Variants in SYNJ1 observed in about 807,000 individuals in gnomAD.
SYNJ1 encodes the protein synaptojanin 1.
SYNJ1 carries 78 observed loss-of-function variants against 168.2 expected under a neutral mutation model. The observed-to-expected ratio is 0.46, with a 90% confidence interval of 0.39 to 0.56. The LOEUF is 0.56. Ranked by LOEUF, SYNJ1 falls within the 20% of genes least tolerant of loss-of-function variation. SYNJ1 has a pLI of 0.00. For missense variants in SYNJ1, 1,303 were observed against 1,597.6 expected (o/e 0.82, Z 3.14); for synonymous variants, 539 against 548.6 (o/e 0.98, Z 0.24).
chr21:32,690,212 G>A (rs932681330), intron 6 of SYNJ1, among the ~76,000 whole-genome samples: 5 of 152,008 alleles, frequency 3.3e-5, no homozygotes, highest in Non-Finnish European at 5.9e-5. Flanking sequence ...TTAGATTTCT[G>A]TTTTTGTGTT....
In SYNJ1 at chr21:32,639,836, C is replaced by T; in HGVS notation, c.3589-57G>A. The stretch of plus-strand genomic sequence containing the variant: ...TTACTTACCTTCCACAGGTAAAATT[C>T]TGTGAAAACATTTGCTTTTGCATCT... On this transcript the variant is annotated intron_variant, in intron 29 of 32. Coordinates refer to ENST00000674351, the MANE Select transcript of SYNJ1 (RefSeq NM_203446.3). 9.7e-6 allele frequency: 14 copies of T among 1,442,336 alleles called. 1 individual carries two copies. In the South Asian group the frequency reaches 1.5e-4, roughly 16 times the overall value. 89.3% of individuals were successfully genotyped at this position (1,442,336 alleles called of 1,614,324 possible).
chr21:32,711,410 G>A (rs1033953652), intron 2 of SYNJ1, among the ~76,000 whole-genome samples: 1 of 150,926 alleles, frequency 6.6e-6, no homozygotes, highest in Non-Finnish European at 1.5e-5. Flanking sequence ...TTGGCTCACT[G>A]CAACCTCCAC....
intron 10 of SYNJ1, among the ~76,000 whole-genome samples, chr21:32,683,732 C>T (rs1486069667): frequency 6.6e-6 from 1 of 151,986 alleles, no homozygotes; most frequent in Non-Finnish European, 1.5e-5. Context: ...CACACCCACA[C>T]ATATATATTT....
intron 2 of SYNJ1, among the ~76,000 whole-genome samples, chr21:32,725,079 T>C (rs571299999): frequency 4.1e-4 from 63 of 152,332 alleles, no homozygotes; most frequent in African/African-American, 1.5e-3. Context: ...TATTCTTAGG[T>C]TTCCTAACCT....
intron 11 of SYNJ1, among the ~76,000 whole-genome samples, chr21:32,681,262 A>T (rs187954581): frequency 2.0e-5 from 3 of 152,372 alleles, no homozygotes; most frequent in African/African-American, 7.2e-5. Context: ...CTAAATGACT[A>T]GATACGTTAT....
intron 2 of SYNJ1, among the ~76,000 whole-genome samples, chr21:32,723,416 C>T (rs2043321875): frequency 6.6e-6 from 1 of 152,172 alleles, no homozygotes; most frequent in Admixed American, 6.5e-5. Flanking sequence ...AAATTAGGAA[C>T]TTTGTGTACA....
At chr21:32,704,771 GATA>G (rs1042326570) in intron 2 of SYNJ1, among the ~76,000 whole-genome samples, 8 of 152,294 alleles carry the variant, frequency 5.3e-5, no homozygotes, top group African/African-American at 1.9e-4. Context: ...TATGATCAAG[GATA>G]ATGAGAGCCA....
intron 18 of SYNJ1, among the ~76,000 whole-genome samples, chr21:32,659,710 A>G (rs1601320311): frequency 6.6e-6 from 1 of 152,084 alleles, no homozygotes; most frequent in South Asian, 2.1e-4. Context: ...GGAATTGCTC[A>G]CTCGGGGAGC....
intron 6 of SYNJ1, among the ~76,000 whole-genome samples, chr21:32,692,425 A>G (rs2042059476): frequency 6.6e-6 from 1 of 152,060 alleles, no homozygotes; most frequent in Non-Finnish European, 1.5e-5. Context: ...AAAAATAAAA[A>G]AATTAGCCAA....
intron 27 of SYNJ1, among the ~76,000 whole-genome samples, chr21:32,643,170 G>A (rs1022025269): frequency 1.3e-5 from 2 of 152,120 alleles, no homozygotes. Flanking sequence ...ATATGAAACA[G>A]AGTACAAACA....
At chr21:32,640,845 C>A (rs924421025) in intron 29 of SYNJ1, among the ~76,000 whole-genome samples, 8 of 152,176 alleles carry the variant, frequency 5.3e-5, no homozygotes, top group African/African-American at 1.9e-4. Flanking sequence ...CATATGTTTG[C>A]TGAAGGATCT....
intron 2 of SYNJ1, among the ~76,000 whole-genome samples, chr21:32,711,919 T>C (rs1373358826): frequency 6.6e-6 from 1 of 152,186 alleles, no homozygotes; most frequent in Non-Finnish European, 1.5e-5. Context: ...CCAAGAGCAA[T>C]AGGTAACTTA....
chr21:32,697,706 C>T (rs779903638), intron 4 of SYNJ1, among the ~76,000 whole-genome samples: 4 of 152,220 alleles, frequency 2.6e-5, no homozygotes, highest in Admixed American at 1.3e-4. Context: ...GAGGCTGAGG[C>T]AGGAGAATTG....
intron 2 of SYNJ1, among the ~76,000 whole-genome samples, chr21:32,714,946 G>A (rs1056630311): frequency 2.6e-5 from 4 of 152,110 alleles, no homozygotes; most frequent in Non-Finnish European, 5.9e-5. Flanking sequence ...TCTCAATTGT[G>A]TCATCCAACA....
intron 18 of SYNJ1, among the ~76,000 whole-genome samples, chr21:32,662,959 CGAG>C (rs1446060023): frequency 2.0e-5 from 3 of 152,048 alleles, no homozygotes; most frequent in Non-Finnish European, 4.4e-5. Flanking sequence ...TATCTTAGTT[CGAG>C]GAGAAGTTTA....
intron 27 of SYNJ1, 88 bp downstream of exon 27, chr21:32,643,322 C>T: frequency 2.9e-6 from 4 of 1,360,994 alleles, no homozygotes; most frequent in Non-Finnish European, 4.1e-6. Flanking sequence ...TTTAGTATGC[C>T]TGCAAACACT....
In SYNJ1 at chr21:32,722,206, ATATATAT is replaced by A. The variant is rs375807328; in HGVS notation, c.124+4559_124+4565del. On this transcript the variant is annotated intron_variant, in intron 2 of 32. Transcript: ENST00000674351. ...ATCTCAAAGAAAAAAAAAAAAAAAA[ATATATAT>A]ATATATATATATATATATAATGTAT... Among the ~76,000 whole-genome samples, 461 of 46,880 alleles carry A rather than the reference ATATATAT, an allele frequency of 9.8e-3. 5 individuals are homozygous for A. The highest frequency in any genetic ancestry group is 0.033 in the African/African-American group (343 of 10,342). 30.8% of individuals were successfully genotyped at this position (46,880 alleles called of 152,430 possible).
intron 16 of SYNJ1, 112 bp downstream of exon 16, chr21:32,666,321 C>A (rs573992807): frequency 2.7e-4 from 399 of 1,498,680 alleles, no homozygotes; most frequent in Non-Finnish European, 3.5e-4. Flanking sequence ...CATTTTAAAA[C>A]AAGAACTATG....
At position 32,646,425 on chromosome 21, in the gene SYNJ1, G is replaced by T. The variant is rs771524798; in HGVS notation, c.3215C>A (p.Pro1072Gln). The change falls in exon 24 of 33, where the codon CCG (proline) becomes CAG (glutamine). Residue 1072 changes from proline to glutamine, a missense_variant. Coordinates refer to ENST00000674351, the MANE Select transcript of SYNJ1 (RefSeq NM_203446.3). ...PSLPIRPSRAPSRTPGPPSAQ... is the reference protein window; with the variant it reads ...PSLPIRPSRAQSRTPGPPSAQ... ...ACTGGGAGGCCCAGGAGTTCTTGAC[G>T]GTGCTCGGCTTGGTCTGATGGGAAG... 3.1e-6 allele frequency: 5 copies of T among 1,614,120 alleles called. No individual in the cohort carries two copies. The East Asian group carries it at 8.9e-5, about 29-fold the overall frequency.
Sources: allele counts gnomAD v4.1 joint callset (sites outside exome capture counted in the v4.1 genomes callset), GRCh38; gene constraint gnomAD v4.1.1; transcripts MANE v1.5; gene names NCBI Gene and HGNC (gene_info 2026-07-23, HGNC 2026-07-21).